Variants in ARHGAP42 observed in about 807,000 individuals in gnomAD.
ARHGAP42 encodes the protein rho GTPase-activating protein 42.
In ARHGAP42, 63 loss-of-function variants were observed where a neutral mutation model predicts 125.0. That is an observed-to-expected ratio of 0.50 (90% CI 0.41 to 0.62). ARHGAP42 has a LOEUF of 0.62. Among genes scored for constraint, ARHGAP42 ranks in the 20% least tolerant of loss-of-function variants. The probability of loss-of-function intolerance (pLI) is 0.00; values close to 1 mark genes in which losing one functional copy is unlikely to be tolerated. For missense variants in ARHGAP42, 766 were observed against 1,024.2 expected (o/e 0.75, Z 3.44); for synonymous variants, 339 against 351.0 (o/e 0.97, Z 0.38).
intron 3 of ARHGAP42, among the ~76,000 whole-genome samples, chr11:100,817,618 T>G (rs1864298850): frequency 6.6e-6 from 1 of 152,184 alleles, no homozygotes; most frequent in African/African-American, 2.4e-5. Flanking sequence ...GTATAATAAT[T>G]AATGTTGCTT....
At chr11:100,903,721 T>A (rs1355162889) in intron 4 of ARHGAP42, among the ~76,000 whole-genome samples, 27,909 of 70,424 alleles carry the variant, frequency 0.4, 5,050 homozygotes, top group Middle Eastern at 0.51. Context: ...TATATATATA[T>A]ATATATATAT....
intron 1 of ARHGAP42, among the ~76,000 whole-genome samples, chr11:100,758,033 CA>C (rs1335289455): frequency 6.6e-6 from 1 of 152,076 alleles, no homozygotes; most frequent in East Asian, 1.9e-4. Flanking sequence ...CATGTATAGC[CA>C]TGATATTATC....
At chr11:100,782,894 T>C (rs1247462240) in intron 2 of ARHGAP42, among the ~76,000 whole-genome samples, 1 of 152,222 alleles carries the variant, frequency 6.6e-6, no homozygotes, top group Admixed American at 6.5e-5. Context: ...AATTGAAATA[T>C]ACACTTTCCT....
intron 6 of ARHGAP42, among the ~76,000 whole-genome samples, chr11:100,923,056 G>A (rs897980412): frequency 2.0e-5 from 3 of 152,116 alleles, no homozygotes; most frequent in African/African-American, 7.2e-5. Context: ...AACTTTATAT[G>A]ACCTAGAGAA....
chr11:100,957,157 C>T (rs1481459398), intron 12 of ARHGAP42, among the ~76,000 whole-genome samples: 1 of 152,082 alleles, frequency 6.6e-6, no homozygotes. Context: ...AACTGAGGCA[C>T]AGAGATCAAA....
chr11:100,864,048 C>T (rs1482468945), intron 4 of ARHGAP42, among the ~76,000 whole-genome samples: 1 of 152,166 alleles, frequency 6.6e-6, no homozygotes, highest in Non-Finnish European at 1.5e-5. Flanking sequence ...ATTGACAGCT[C>T]TATTTCCATT....
intron 4 of ARHGAP42, among the ~76,000 whole-genome samples, chr11:100,904,593 CT>C (rs1365603012): frequency 6.6e-6 from 1 of 151,766 alleles, no homozygotes; most frequent in Non-Finnish European, 1.5e-5. Context: ...ACTTTTCTTT[CT>C]TTCTTCCCTC....
At chr11:100,814,571 G>A (rs1864221755) in intron 3 of ARHGAP42, among the ~76,000 whole-genome samples, 1 of 152,068 alleles carries the variant, frequency 6.6e-6, no homozygotes, top group Admixed American at 6.6e-5. Context: ...GGCTGTACAG[G>A]AAGCATAGCA....
intron 1 of ARHGAP42, among the ~76,000 whole-genome samples, chr11:100,763,342 A>G (rs972459296): frequency 5.9e-5 from 9 of 151,292 alleles, no homozygotes; most frequent in Non-Finnish European, 1.2e-4. Context: ...TCTTTCTTTC[A>G]CTCTTTTTCA....
intron 1 of ARHGAP42, among the ~76,000 whole-genome samples, chr11:100,703,717 G>C (rs1310838683): frequency 3.9e-5 from 6 of 152,210 alleles, no homozygotes; most frequent in Non-Finnish European, 8.8e-5. Context: ...AGACTTTATA[G>C]ACATATCTAC....
At position 100,949,457 on chromosome 11, in the gene ARHGAP42, C is replaced by T. The variant is rs74339304; in HGVS notation, c.1123-460C>T. Among the ~76,000 whole-genome samples, 19 of 152,126 alleles carry T rather than the reference C, an allele frequency of 1.2e-4. No individual in the cohort carries two copies. In the East Asian group the frequency reaches 3.3e-3, roughly 26 times the overall value. On this transcript the variant is annotated intron_variant, in intron 11 of 23. Coordinates refer to ENST00000298815, the MANE Select transcript of ARHGAP42 (RefSeq NM_152432.4). ...TGAATAATAGATTTAAAAGAAAATT[C>T]ACTCTTTACCAGAAATAGTTGAGAA...
chr11:100,927,891 T>A (rs1302551113), intron 6 of ARHGAP42, among the ~76,000 whole-genome samples: 3 of 152,214 alleles, frequency 2.0e-5, no homozygotes, highest in Non-Finnish European at 4.4e-5. Context: ...TTAAAAGTAG[T>A]CTTTTCCAGG....
At chr11:100,783,322 G>T (rs1202436164) in intron 2 of ARHGAP42, among the ~76,000 whole-genome samples, 1 of 152,224 alleles carries the variant, frequency 6.6e-6, no homozygotes, top group Non-Finnish European at 1.5e-5. Context: ...TGTAGTCCCA[G>T]CTACTTGAGA....
chr11:100,703,131 C>G (rs955673577), intron 1 of ARHGAP42, among the ~76,000 whole-genome samples: 2 of 152,156 alleles, frequency 1.3e-5, no homozygotes, highest in Admixed American at 6.5e-5. Context: ...TTTCGTATTA[C>G]TTTCAGCAGG....
chr11:100,878,976 T>C (rs1236744961), intron 4 of ARHGAP42, among the ~76,000 whole-genome samples: 1 of 72,022 alleles, frequency 1.4e-5, no homozygotes, highest in Non-Finnish European at 2.5e-5. Flanking sequence ...AAAGGAGACA[T>C]GAACAATTTT....
At chr11:100,726,831 T>C (rs1390085847) in intron 1 of ARHGAP42, among the ~76,000 whole-genome samples, 1 of 152,252 alleles carries the variant, frequency 6.6e-6, no homozygotes, top group African/African-American at 2.4e-5. Flanking sequence ...TGAACTTCTC[T>C]GTGGTGCTTT....
chr11:100,743,871 A>G (rs1438494456), intron 1 of ARHGAP42, among the ~76,000 whole-genome samples: 1 of 152,182 alleles, frequency 6.6e-6, no homozygotes, highest in Non-Finnish European at 1.5e-5. Flanking sequence ...GTCTGTTGTT[A>G]AAACTTCTTA....
At chr11:100,973,117 C>G in intron 17 of ARHGAP42, 58 bp from the exon 18 acceptor site, 1 of 1,389,776 alleles carries the variant, frequency 7.2e-7, no homozygotes, top group Non-Finnish European at 9.7e-7. Context: ...ATAGAAGAGA[C>G]TATTTCATAA....
At chr11:100,770,487 GA>G (rs1311144377) in intron 2 of ARHGAP42, 49 bp downstream of exon 2, 4 of 1,275,606 alleles carry the variant, frequency 3.1e-6, no homozygotes, top group Non-Finnish European at 4.4e-6. Context: ...TTATTTTACT[GA>G]AATCAAATAG....
Sources: gnomAD v4.1 joint callset for allele counts (sites outside exome capture counted in the v4.1 genomes callset) on GRCh38, gnomAD v4.1.1 for gene constraint, MANE v1.5 for transcripts, NCBI Gene and HGNC (gene_info 2026-07-23, HGNC 2026-07-21) for gene names.